Variants in CFAP99 observed in about 807,000 individuals in gnomAD.
The protein encoded by CFAP99 is cilia- and flagella-associated protein 99.
CFAP99 carries 84 observed loss-of-function variants against 82.7 expected under a neutral mutation model. That is an observed-to-expected ratio of 1.02 (90% CI 0.85 to 1.22). CFAP99 has a LOEUF of 1.22. Ranked by LOEUF, CFAP99 falls within the 50% of genes most tolerant of loss-of-function variation. The pLI is 0.00. For missense variants in CFAP99, 1,059 were observed against 983.5 expected (o/e 1.08, Z -1.03); for synonymous variants, 456 against 429.5 (o/e 1.06, Z -0.76).
intron 5 of CFAP99, 36 bp downstream of exon 5, chr4:2,443,278 G>C (rs1390691530): frequency 1.5e-6 from 2 of 1,360,844 alleles, no homozygotes; most frequent in Non-Finnish European, 2.0e-6. Context: ...GCCCTGAATG[G>C]CATCTGCACC....
At position 2,446,368 on chromosome 4, in the gene CFAP99, G is replaced by GTTGTTATTATTATTA. The variant is rs1262123381; in HGVS notation, c.642+1062_642+1063insGTTATTATTATTATT. 2.7e-5 allele frequency among the ~76,000 whole-genome samples: 4 copies of GTTGTTATTATTATTA among 148,440 alleles called. No individual in the cohort carries two copies. Among genetic ancestry groups the GTTGTTATTATTATTA allele is most frequent in the African/African-American group, 1.0e-4 (4 of 40,018 alleles). On this transcript the variant is annotated intron_variant, in intron 6 of 14. Coordinates refer to ENST00000635017, the Ensembl canonical transcript of CFAP99. This position sits in a 1 kb window ranked among gnomAD's most constrained non-coding sequence, Gnocchi z 5.0. ...CTTTTTATTTCATTTTATTATTGTT[G>GTTGTTATTATTATTA]TTATTATTATTATTATTATTATTAT...
At chr4:2,430,876 C>T (rs1317099997) in intron 2 of CFAP99, among the ~76,000 whole-genome samples, 1 of 149,584 alleles carries the variant, frequency 6.7e-6, no homozygotes, top group Non-Finnish European at 1.5e-5. Flanking sequence ...AGTTTGAGAC[C>T]AGCCTAGGCC....
At chr4:2,420,673 T>A (rs764472361) in intron 1 of CFAP99, among the ~76,000 whole-genome samples, 11 of 152,096 alleles carry the variant, frequency 7.2e-5, no homozygotes, top group Non-Finnish European at 1.5e-4. Flanking sequence ...AATCCCAACA[T>A]CACAGTGGCC....
intron 11 of CFAP99, among the ~76,000 whole-genome samples, chr4:2,455,759 A>G (rs923380861): frequency 4.6e-5 from 7 of 152,196 alleles, no homozygotes; most frequent in Non-Finnish European, 7.4e-5. Flanking sequence ...CTACTGGTCT[A>G]AGGATGTCTA....
At chr4:2,457,666 G>A (rs1734468613) in intron 11 of CFAP99, among the ~76,000 whole-genome samples, 1 of 152,190 alleles carries the variant, frequency 6.6e-6, no homozygotes. Context: ...TGTGAGCCTG[G>A]CCAGGTGACC....
At chr4:2,440,635 C>T (rs1454776774) in intron 4 of CFAP99, among the ~76,000 whole-genome samples, 1 of 151,862 alleles carries the variant, frequency 6.6e-6, no homozygotes, top group Non-Finnish European at 1.5e-5. Flanking sequence ...CTCTGTCCCC[C>T]AGGCTGGAGT....
chr4:2,451,086 C>A, intron 9 of CFAP99, 68 bp downstream of exon 9: 3 of 1,494,098 alleles, frequency 2.0e-6, no homozygotes, highest in South Asian at 1.2e-5. Context: ...CTTTTCTGCC[C>A]GTAGAGGCTC....
chr4:2,454,845 C>G (rs147081920), intron 11 of CFAP99, among the ~76,000 whole-genome samples: 3,817 of 152,030 alleles, frequency 0.025, 164 homozygotes, highest in African/African-American at 0.088. Context: ...TGGTCTCAAA[C>G]TCCTGACCTC....
At chr4:2,429,793 G>C (rs942663975) in intron 2 of CFAP99, among the ~76,000 whole-genome samples, 1 of 152,066 alleles carries the variant, frequency 6.6e-6, no homozygotes, top group Non-Finnish European at 1.5e-5. Flanking sequence ...GGGTTTCACT[G>C]TGTTAGCCAG....
chr4:2,441,214 T>C (rs1734030139), intron 4 of CFAP99, among the ~76,000 whole-genome samples: 1 of 151,094 alleles, frequency 6.6e-6, no homozygotes, highest in South Asian at 2.1e-4. Flanking sequence ...CTATTAAAAA[T>C]AGAAAAAAAT....
chr4:2,444,479 G>A (rs748472196), intron 5 of CFAP99, among the ~76,000 whole-genome samples: 39 of 152,222 alleles, frequency 2.6e-4, no homozygotes, highest in Admixed American at 6.5e-5. Flanking sequence ...TTGAAGCCAT[G>A]CCCTCTGCCC....
intron 2 of CFAP99, among the ~76,000 whole-genome samples, chr4:2,433,348 C>T (rs1244971211): frequency 6.6e-6 from 1 of 152,110 alleles, no homozygotes; most frequent in African/African-American, 2.4e-5. Flanking sequence ...CCCTCAGCGG[C>T]CACGCTGACT....
intron 3 of CFAP99, 76 bp from the exon 4 acceptor site, chr4:2,437,994 C>A: frequency 2.4e-6 from 2 of 838,248 alleles, no homozygotes; most frequent in South Asian, 1.5e-5. Context: ...ACGGTGGAGG[C>A]CTTCGGCTCC....
intron 2 of CFAP99, among the ~76,000 whole-genome samples, chr4:2,430,095 G>T (rs1264336839): frequency 1.3e-5 from 2 of 150,636 alleles, no homozygotes; most frequent in Non-Finnish European, 3.0e-5. Flanking sequence ...ACAGCAGACT[G>T]CGGTGAAATG....
At chr4:2,450,140 A>C (rs1734269566) in intron 8 of CFAP99, 135 bp downstream of exon 8, 3 of 888,908 alleles carry the variant, frequency 3.4e-6, no homozygotes, top group Non-Finnish European at 3.5e-6. Flanking sequence ...GCGGATTCCC[A>C]GTAGCACTGG....
At chr4:2,435,897 A>C (rs2108718266) in intron 2 of CFAP99, among the ~76,000 whole-genome samples, 1 of 149,886 alleles carries the variant, frequency 6.7e-6, no homozygotes. Context: ...GGGAGCAGCT[A>C]CTCAGGAGGC....
intron 11 of CFAP99, 43 bp from the exon 12 acceptor site, chr4:2,458,680 C>G: frequency 1.3e-6 from 2 of 1,507,876 alleles, no homozygotes; most frequent in Non-Finnish European, 1.8e-6. Flanking sequence ...GCAGGGAAGC[C>G]GGAGCAGCCC....
chr4:2,421,674 C>T (rs1349403248), intron 1 of CFAP99, among the ~76,000 whole-genome samples: 1 of 151,962 alleles, frequency 6.6e-6, no homozygotes. Flanking sequence ...TTAAAGTTGC[C>T]TTAAATATAA....
chr4:2,426,367 C>T (rs2269494), intron 1 of CFAP99, 92 bp from the exon 2 acceptor site: 115,358 of 792,604 alleles, frequency 0.15, 9,197 homozygotes, highest in African/African-American at 0.24. Context: ...TGCTACAGGC[C>T]CAACACCCTG....
Sources: gnomAD v4.1 joint callset for allele counts (sites outside exome capture counted in the v4.1 genomes callset) on GRCh38, gnomAD v4.1.1 for gene constraint, Gnocchi (gnomAD v3.1) non-coding constraint, MANE v1.5 for transcripts, NCBI Gene and HGNC (gene_info 2026-07-23, HGNC 2026-07-21) for gene names.